The following MAST2 variants were observed in gnomAD, a reference collection of about 807,000 sequenced individuals.
The protein encoded by MAST2 is microtubule-associated serine/threonine-protein kinase 2.
A neutral mutation model predicts 147.4 loss-of-function variants in MAST2; 70 were observed. The observed-to-expected ratio is 0.47, with a 90% CI of 0.39 to 0.58. The LOEUF is 0.58. Among genes scored for constraint, MAST2 ranks in the 20% least tolerant of loss-of-function variants. The probability of loss-of-function intolerance (pLI) is 0.00; values close to 1 mark genes in which losing one functional copy is unlikely to be tolerated. For missense variants in MAST2, 2,080 were observed against 2,302.3 expected (o/e 0.90, Z 1.98); for synonymous variants, 869 against 896.8 (o/e 0.97, Z 0.55).
intron 18 of MAST2, 65 bp from the exon 19 acceptor site, chr1:46,029,401 C>G: frequency 7.3e-7 from 1 of 1,361,136 alleles, no homozygotes; most frequent in Non-Finnish European, 1.0e-6. Context: ...GTTCTGGGAC[C>G]CTCTTCTGCA....
chr1:46,021,760 A>T (rs914750052), intron 11 of MAST2, among the ~76,000 whole-genome samples, 190 bp from the exon 12 acceptor site: 1 of 152,214 alleles, frequency 6.6e-6, no homozygotes, highest in Non-Finnish European at 1.5e-5. Context: ...TCTGGAGGTG[A>T]CCTGTAAGAC....
At chr1:46,002,427 GA>G (rs1645311561) in intron 6 of MAST2, among the ~76,000 whole-genome samples, 1 of 152,208 alleles carries the variant, frequency 6.6e-6, no homozygotes. Flanking sequence ...TTCACAAATG[GA>G]AATAGCTGCA....
At chr1:45,981,769 T>C (rs1367760920) in intron 5 of MAST2, among the ~76,000 whole-genome samples, 1 of 152,162 alleles carries the variant, frequency 6.6e-6, no homozygotes, top group Non-Finnish European at 1.5e-5. Context: ...TTTCTCACTG[T>C]CATAATTTTG....
chr1:46,006,951 C>T (rs890944291), intron 8 of MAST2, among the ~76,000 whole-genome samples: 1 of 152,098 alleles, frequency 6.6e-6, no homozygotes, highest in African/African-American at 2.4e-5. Flanking sequence ...AGGTTGCTGG[C>T]GTGGGGAAGA....
At chr1:46,011,753 G>T (rs2149241553) in intron 10 of MAST2, among the ~76,000 whole-genome samples, 1 of 152,272 alleles carries the variant, frequency 6.6e-6, no homozygotes, top group South Asian at 2.1e-4. Context: ...CTGAGCTGAG[G>T]GCCCAGGGCT....
At chr1:45,860,878 T>C (rs1645960323) in intron 3 of MAST2, among the ~76,000 whole-genome samples, 1 of 152,156 alleles carries the variant, frequency 6.6e-6, no homozygotes, top group Admixed American at 6.5e-5. Context: ...GCTATTATCT[T>C]TGTTATTTTC....
chr1:45,959,601 C>T, intron 5 of MAST2, 124 bp downstream of exon 5: 3 of 758,820 alleles, frequency 4.0e-6, no homozygotes, highest in Admixed American at 2.6e-5. Context: ...CTGACTGAAG[C>T]AGACAGAGCT....
chr1:45,902,554 G>A (rs903568773), intron 4 of MAST2, among the ~76,000 whole-genome samples: 1 of 151,384 alleles, frequency 6.6e-6, no homozygotes, highest in Non-Finnish European at 1.5e-5. Context: ...TCAGTAAGAG[G>A]TACAGTTCTT....
chr1:45,829,891 G>A (rs1253511005), intron 3 of MAST2, among the ~76,000 whole-genome samples: 2 of 150,648 alleles, frequency 1.3e-5, no homozygotes, highest in Non-Finnish European at 1.5e-5. Flanking sequence ...TTTTGAGTTG[G>A]ATTTTTGCTC....
intron 5 of MAST2, among the ~76,000 whole-genome samples, chr1:45,994,236 T>C (rs1392142802): frequency 6.6e-6 from 1 of 151,208 alleles, no homozygotes; most frequent in Non-Finnish European, 1.5e-5. Flanking sequence ...GTCAGGTTTA[T>C]GTCAGACTGA....
chr1:45,942,759 A>G (rs1212951329), intron 4 of MAST2, among the ~76,000 whole-genome samples: 1 of 152,240 alleles, frequency 6.6e-6, no homozygotes, highest in East Asian at 1.9e-4. Flanking sequence ...AGTGATAAGA[A>G]TGATCTCCAG....
chr1:45,860,172 A>G (rs1645927446), intron 3 of MAST2, among the ~76,000 whole-genome samples: 1 of 150,848 alleles, frequency 6.6e-6, no homozygotes. Context: ...AGCGTGGCCA[A>G]CATGGTAAAC....
At chr1:45,923,461 C>T (rs1405306336) in intron 4 of MAST2, among the ~76,000 whole-genome samples, 2 of 152,212 alleles carry the variant, frequency 1.3e-5, no homozygotes, top group African/African-American at 4.8e-5. Context: ...CTCCCAGGCA[C>T]TGTTCTTAGC....
intron 5 of MAST2, among the ~76,000 whole-genome samples, chr1:45,976,985 A>G (rs1644186161): frequency 6.6e-6 from 1 of 152,234 alleles, no homozygotes; most frequent in Non-Finnish European, 1.5e-5. Context: ...AGCTGTAGGC[A>G]AAATCCATTG....
intron 1 of MAST2, among the ~76,000 whole-genome samples, chr1:45,814,812 T>C (rs1376557512): frequency 1.3e-5 from 2 of 152,282 alleles, no homozygotes; most frequent in East Asian, 3.9e-4. Context: ...AAAGCTATCT[T>C]GACCTTTGAT....
rs552116283 is a variant in MAST2, at chr1:45,884,605, C to T, written c.500+2210C>T. 4.2e-4 allele frequency among the ~76,000 whole-genome samples: 64 copies of T among 152,182 alleles called. 1 individual carries two copies. Among genetic ancestry groups the T allele is most frequent in the African/African-American group, 1.5e-3 (62 of 41,546 alleles). ...CCTACTCTGTGCTGGGTAGAGTGAT[C>T]TAAGTTCTGAGGCTGTTAAGATTCA... is the stretch of plus-strand genomic sequence containing the variant. On this transcript the variant is annotated intron_variant, in intron 4 of 28. Coordinates refer to ENST00000361297, the MANE Select transcript of MAST2 (RefSeq NM_015112.3).
chr1:45,862,902 A>G (rs1646027388), intron 3 of MAST2, among the ~76,000 whole-genome samples: 1 of 152,150 alleles, frequency 6.6e-6, no homozygotes, highest in Admixed American at 6.5e-5. Flanking sequence ...CACTATAATG[A>G]ATTGAGCCTT....
intron 2 of MAST2, among the ~76,000 whole-genome samples, chr1:45,826,054 G>A (rs1315903298): frequency 6.6e-6 from 1 of 151,994 alleles, no homozygotes; most frequent in African/African-American, 2.4e-5. Context: ...GCGACAGAGC[G>A]AAACTCTGTC....
chr1:45,864,592 G>A (rs557111515), intron 3 of MAST2, among the ~76,000 whole-genome samples: 5 of 152,272 alleles, frequency 3.3e-5, no homozygotes, highest in East Asian at 3.9e-4. Context: ...CATCAGAATC[G>A]TATGTTTTTC....
Sources: gnomAD v4.1 joint callset for allele counts (sites outside exome capture counted in the v4.1 genomes callset) on GRCh38, gnomAD v4.1.1 for gene constraint, MANE v1.5 for transcripts, NCBI Gene and HGNC (gene_info 2026-07-23, HGNC 2026-07-21) for gene names.